Variants in HK3 observed in about 807,000 individuals in gnomAD.
HK3 encodes the protein hexokinase-3.
A neutral mutation model predicts 91.0 loss-of-function variants in HK3; 93 were observed. The observed-to-expected ratio is 1.02, with a 90% CI of 0.86 to 1.21. The LOEUF (loss-of-function observed/expected upper bound fraction) is 1.21. Among genes scored for constraint, HK3 ranks in the 50% most tolerant of loss-of-function variants. HK3 has a pLI of 0.00. For synonymous variants in HK3, 519 were observed against 516.9 expected, an observed-to-expected ratio of 1.00 and a Z score of -0.06; for missense variants, 1,235 against 1,247.4, an observed-to-expected ratio of 0.99 and a Z score of 0.15.
intron 10 of HK3, among the ~76,000 whole-genome samples, chr5:176,888,090 G>A (rs1366586687): frequency 6.6e-6 from 1 of 152,018 alleles, no homozygotes; most frequent in Non-Finnish European, 1.5e-5. Context: ...TTTGAAATCT[G>A]TTCTGTGCAC....
At chr5:176,885,534 G>A (rs548355230) in intron 13 of HK3, among the ~76,000 whole-genome samples, 3 of 152,012 alleles carry the variant, frequency 2.0e-5, no homozygotes, top group Non-Finnish European at 4.4e-5. Context: ...TGATTCTCCT[G>A]CCTCAGCCTC....
rs1386585861 is a variant in HK3, at chr5:176,887,905, T to C, written c.1305-159A>G. Among the ~76,000 whole-genome samples, 1 of 151,986 alleles carries C rather than the reference T, an allele frequency of 6.6e-6. No homozygotes were observed. Among genetic ancestry groups the C allele is most frequent in the African/African-American group, 2.4e-5 (1 of 41,352 alleles). On this transcript the variant is annotated intron_variant, in intron 10 of 18. Coordinates refer to ENST00000292432, the MANE Select transcript of HK3 (RefSeq NM_002115.3). The surrounding 1 kb of genome is among the most constrained non-coding windows in gnomAD (Gnocchi z 4.9). ...AGCCCAAGGCCCCATCACTTTTTTT[T>C]TTTTATTTTTGTAGATATCGAGTCT...
chr5:176,881,939 C>T lies in HK3; in HGVS notation c.2237+5G>A. ...CAGCCACCACTGCCTGGGCCCAGCC[C>T]ACACCTCTGCTTGCCGGGGTTGATG... On this transcript the variant is annotated splice_donor_5th_base_variant and intron_variant, in intron 16 of 18. Coordinates refer to ENST00000292432, the MANE Select transcript of HK3 (RefSeq NM_002115.3). 1.2e-6 allele frequency: 2 copies of T among 1,613,566 alleles called. No individual in the cohort carries two copies. The highest frequency in any genetic ancestry group is 8.5e-7 in the Non-Finnish European group (1 of 1,179,850).
intron 2 of HK3, 148 bp downstream of exon 2, chr5:176,895,916 T>C: frequency 4.4e-6 from 3 of 683,234 alleles, no homozygotes; most frequent in South Asian, 1.7e-5. Context: ...GTTTGGAGCA[T>C]GAAAGGAGAT....
chr5:176,886,823 T>A (rs1758595867), intron 13 of HK3, among the ~76,000 whole-genome samples, 179 bp downstream of exon 13: 1 of 152,212 alleles, frequency 6.6e-6, no homozygotes, highest in Non-Finnish European at 1.5e-5. Flanking sequence ...ACCCTAACCC[T>A]GGGCCTACCC....
chr5:176,894,966 A>G (rs1184564682), intron 2 of HK3, among the ~76,000 whole-genome samples: 1 of 150,742 alleles, frequency 6.6e-6, no homozygotes, highest in Non-Finnish European at 1.5e-5. Flanking sequence ...TTTAGTACAG[A>G]CAGGGTTTCA....
At position 176,882,137 on chromosome 5, in the gene HK3, G is replaced by A. The variant is rs746790264; in HGVS notation, c.2054-10C>T. 8 of 1,612,104 alleles carry A rather than the reference G, an allele frequency of 5.0e-6. No homozygotes were observed. The African/African-American group carries it at 5.3e-5, about 11-fold the overall frequency. ...GCATTGGTGCCGGTTCCTGCAGAGA[G>A]GCCAGACAACGTGGAAGCTACTTAC... On this transcript the variant is annotated splice_polypyrimidine_tract_variant and intron_variant, in intron 15 of 18. Coordinates refer to ENST00000292432, the MANE Select transcript of HK3 (RefSeq NM_002115.3).
At position 176,889,707 on chromosome 5, in the gene HK3, G is replaced by C; in HGVS notation, c.668C>G (p.Thr223Arg). Residue 223 changes from threonine (T) to arginine (R), a missense_variant, in exon 7 of 19, where the codon ACA becomes AGA. Transcript: ENST00000292432. The part of the protein sequence containing the change: ...NIDVVAVVND[T>R]VGTMMGCEPG... ...CTCACAGCCCATCATGGTGCCCACT[G>C]TGTCGTTCACCACAGCAACCACGTC... 1.2e-6 allele frequency: 2 copies of C among 1,614,156 alleles called. No homozygotes were observed. The highest frequency in any genetic ancestry group is 1.1e-5 in the South Asian group (1 of 91,082).
Position 176,890,884 on chromosome 5 carries a change from T to G in HK3, c.472A>C (p.Lys158Gln), listed in dbSNP as rs1165387852. The change falls in exon 5 of 19, where the codon AAA becomes CAA. Residue 158 changes from lysine (K) to glutamine (Q), a missense_variant. Transcript: ENST00000292432. ...SEFLDAQPVNKQGLQLGFSFS... is the reference protein window; with the variant it reads ...SEFLDAQPVNQQGLQLGFSFS... ...CTGAAGCCAAGCTGCAGACCCTGTT[T>G]GTTCACAGGCTGCGCATCCAGGAAC... 1.6e-5 allele frequency: 26 copies of G among 1,614,060 alleles called. No homozygotes were observed. The highest frequency in any genetic ancestry group is 2.0e-5 in the Non-Finnish European group (24 of 1,180,030).
intron 2 of HK3, among the ~76,000 whole-genome samples, chr5:176,895,247 T>C (rs1338031449): frequency 2.0e-5 from 3 of 152,046 alleles, no homozygotes; most frequent in Admixed American, 1.3e-4. Context: ...CCGGCTAATT[T>C]TGTATTTTTA....
rs1430268571 is a variant in HK3 at position 176,883,824 on chromosome 5, T to C, written c.1999A>G (p.Thr667Ala). Residue 667 changes from threonine to alanine, a missense_variant, in exon 15 of 19, where the codon ACC (threonine) becomes GCC (alanine). By Grantham distance (58) the Thr-to-Ala change is moderately conservative. Around this residue, in one of 3 missense-constraint regions of HK3, gnomAD observed 513 missense variants for 477.4 expected, o/e 1.07. Coordinates refer to ENST00000292432, the MANE Select transcript of HK3 (RefSeq NM_002115.3). ...TCCTCATAGCCACAGGACATCATGG[T>C]CCCCACCGTGTCATTGACAATGGCA... ...VVAIVNDTVG[T>A]MMSCGYEDPR... 2 of 1,613,910 alleles carry C rather than the reference T, an allele frequency of 1.2e-6. No homozygotes were observed. The highest frequency in any genetic ancestry group is 8.5e-7 in the Non-Finnish European group (1 of 1,179,996).
At chr5:176,898,242 G>C (rs967315953) in intron 1 of HK3, among the ~76,000 whole-genome samples, 1 of 152,192 alleles carries the variant, frequency 6.6e-6, no homozygotes, top group Non-Finnish European at 1.5e-5. Context: ...ACTCATGGCC[G>C]GCACAGGGTC....
intron 13 of HK3, 61 bp downstream of exon 13, chr5:176,886,941 C>T: frequency 6.2e-7 from 1 of 1,601,632 alleles, no homozygotes. Flanking sequence ...CCTGCCCACT[C>T]CATGAAGGGT....
chr5:176,887,736 C>T lies in HK3; in HGVS notation c.1315G>A (p.Val439Ile), dbSNP rs367991681. The change falls in exon 11 of 19, where the codon GTC becomes ATC. Residue 439 changes from valine (V) to isoleucine (I), a missense_variant. Transcript: ENST00000292432. The surrounding 1 kb of genome is among the most constrained non-coding windows in gnomAD (Gnocchi z 4.9). ...VCERHPRFCS[V>I]LQGTVMLLAP... ...AGGAGCATCACTGTCCCCTGCAGGA[C>T]GCTGCAGAACCTACAGATACATACA... The T allele has an allele frequency of 2.2e-4, 361 of 1,606,556 alleles. No individual in the cohort carries two copies. The highest frequency in any genetic ancestry group is 5.0e-4 in the Middle Eastern group (3 of 6,054).
intron 13 of HK3, among the ~76,000 whole-genome samples, chr5:176,885,454 C>G (rs1758559180): frequency 6.6e-6 from 1 of 152,168 alleles, no homozygotes. Flanking sequence ...TGGAGTCTTG[C>G]TCTGTTGCCC....
At chr5:176,892,530 G>C (rs1414862112) in intron 2 of HK3, among the ~76,000 whole-genome samples, 2 of 152,058 alleles carry the variant, frequency 1.3e-5, no homozygotes, top group African/African-American at 4.8e-5. Flanking sequence ...ATCCCTGTGA[G>C]CAAATACCCT....
At chr5:176,899,112 G>T (rs1311273195) in intron 1 of HK3, among the ~76,000 whole-genome samples, 155 bp downstream of exon 1, 1 of 152,174 alleles carries the variant, frequency 6.6e-6, no homozygotes, top group Non-Finnish European at 1.5e-5. Flanking sequence ...TCCAGTCTGG[G>T]TGATAGAGAG....
At position 176,889,490 on chromosome 5, in the gene HK3, A is replaced by T; in HGVS notation, c.805T>A (p.Cys269Ser). Reference protein sequence around the residue: ...AVLDEDRGRVCVSVEWGSFSD... With the variant: ...AVLDEDRGRVSVSVEWGSFSD... Reference sequence around the variant, plus strand: ...AAGGAGCCCCACTCGACGCTGACGCAGACGCGGCCCCGGTCTTCGTCCAGC... The same window carrying T: ...AAGGAGCCCCACTCGACGCTGACGCTGACGCGGCCCCGGTCTTCGTCCAGC... The change falls in exon 8 of 19, where the codon TGC becomes AGC. Residue 269 changes from cysteine to serine, a missense_variant. Cys to Ser is a moderately radical substitution (Grantham distance 112, BLOSUM62 -1). This residue lies in a region of HK3 where 717 missense variants were observed against 751.6 expected (regional missense o/e 0.95). Transcript: ENST00000292432. 1.9e-6 allele frequency: 3 copies of T among 1,614,176 alleles called. No homozygotes were observed. The highest frequency in any genetic ancestry group is 2.5e-6 in the Non-Finnish European group (3 of 1,180,032).
chr5:176,882,131 CAG>C lies in HK3; in HGVS notation c.2054-6_2054-5del. 6.2e-7 allele frequency: 1 copy of C among 1,612,442 alleles called. No individual in the cohort carries two copies. Among genetic ancestry groups the C allele is most frequent in the Non-Finnish European group, 8.5e-7 (1 of 1,179,854 alleles). On this transcript the variant is annotated splice_polypyrimidine_tract_variant and splice_region_variant and intron_variant, in intron 15 of 18. Transcript: ENST00000292432. Reference sequence around the variant, plus strand: ...TAGCAGGCATTGGTGCCGGTTCCTGCAGAGAGGCCAGACAACGTGGAAGCTAC... The same window carrying C: ...TAGCAGGCATTGGTGCCGGTTCCTGCAGAGGCCAGACAACGTGGAAGCTAC...
Sources: allele counts gnomAD v4.1 joint callset (sites outside exome capture counted in the v4.1 genomes callset), GRCh38; gene constraint gnomAD v4.1.1; regional missense constraint gnomAD v4.1.1; non-coding constraint Gnocchi (gnomAD v3.1); transcripts MANE v1.5; gene names NCBI Gene and HGNC (gene_info 2026-07-23, HGNC 2026-07-21).